The following CARMIL3 variants were observed in gnomAD, a reference collection of about 807,000 sequenced individuals.
The protein encoded by CARMIL3 is capping protein, Arp2/3 and myosin-I linker protein 3.
Under a neutral mutation model 180.8 loss-of-function variants are expected in CARMIL3, and 88 were observed. The observed-to-expected ratio is 0.49, with a 90% CI of 0.41 to 0.58. CARMIL3 has a LOEUF of 0.58. CARMIL3 is among the 20% of genes least tolerant of loss of function. CARMIL3 has a pLI of 0.00. For missense variants in CARMIL3, 1,548 were observed against 1,787.0 expected (o/e 0.87, Z 2.41); for synonymous variants, 696 against 714.5 (o/e 0.97, Z 0.41).
At chr14:24,067,035 A>G (rs7148694) in intron 36 of CARMIL3, among the ~76,000 whole-genome samples, 15,162 of 152,200 alleles carry the variant, frequency 0.1, 1,425 homozygotes, top group East Asian at 0.41. Context: ...GCCAGCAAGT[A>G]CCAGCTGTGC....
At chr14:24,052,254 T>C (rs1449610597) in intron 1 of CARMIL3, 61 bp downstream of exon 1, 15 of 1,507,950 alleles carry the variant, frequency 9.9e-6, no homozygotes, top group Non-Finnish European at 1.3e-5. Context: ...CCCAGCGCGT[T>C]CCTCCCCGTG....
chr14:24,064,100 A>AG (rs1379006712), intron 31 of CARMIL3, 146 bp from the exon 32 acceptor site: 3 of 595,400 alleles, frequency 5.0e-6, no homozygotes. Flanking sequence ...TCTCAAAAAA[A>AG]AAAAAAAAAA....
chr14:24,054,101 G>C lies in CARMIL3; in HGVS notation c.149G>C (p.Trp50Ser). 6.2e-7 allele frequency: 1 copy of C among 1,613,910 alleles called. No homozygotes were observed. Among genetic ancestry groups the C allele is most frequent in the Non-Finnish European group, 8.5e-7 (1 of 1,180,016 alleles). Residue 50 changes from tryptophan to serine, a missense_variant, in exon 3 of 40, where the codon TGG (tryptophan) becomes TCG (serine). Trp to Ser is a radical substitution (Grantham distance 177, BLOSUM62 -3). Around this residue, in one of 4 missense-constraint regions of CARMIL3, gnomAD observed 578 missense variants for 666.5 expected, o/e 0.87. Coordinates refer to ENST00000342740, the MANE Select transcript of CARMIL3 (RefSeq NM_138360.4). This position sits in a 1 kb window ranked among gnomAD's most constrained non-coding sequence, Gnocchi z 5.1. ...FEDRVLALTS[W>S]RLHLFLLKVP... ...CTCTCTCTGTAGGCCCTGACCTCCT[G>C]GCGCCTCCACCTCTTCCTCCTTAAA...
rs765598966 is a variant in CARMIL3 at position 24,061,624 on chromosome 14, G to A, written c.2432G>A (p.Arg811Gln). The A allele has an allele frequency of 1.6e-5, 26 of 1,613,840 alleles. No homozygotes were observed. Among genetic ancestry groups the A allele is most frequent in the East Asian group, 2.2e-5 (1 of 44,872 alleles). Residue 811 changes from arginine (R) to glutamine (Q), a missense_variant, in exon 27 of 40, where the codon CGA becomes CAA. Physicochemically the swap from Arg to Gln is conservative, Grantham distance 43. This residue lies in a region of CARMIL3 where 297 missense variants were observed against 415.9 expected (regional missense o/e 0.71). Transcript: ENST00000342740. The surrounding 1 kb of genome is among the most constrained non-coding windows in gnomAD (Gnocchi z 4.1). ...GTCACTGTGCCCCGGAACTTCATCC[G>A]AGGGGCACTGCTGGAGCAAGCAGGA... Reference protein sequence around the residue: ...ERVTVPRNFIRGALLEQAGQD... With the variant: ...ERVTVPRNFIQGALLEQAGQD...
In CARMIL3 at chr14:24,058,036, G is replaced by T; in HGVS notation, c.1294G>T (p.Ala432Ser). Residue 432 changes from alanine (A) to serine (S), a missense_variant, in exon 16 of 40, where the codon GCC (alanine) becomes TCC (serine). This residue lies in a region of CARMIL3 where 578 missense variants were observed against 666.5 expected (regional missense o/e 0.87). Transcript: ENST00000342740. The surrounding 1 kb of genome is among the most constrained non-coding windows in gnomAD (Gnocchi z 6.4). ...CACACTGAGCCACGTCAATCTGTCG[G>T]CCACAAAGCTGCCCCTGGAGGCCCT... ...AYTLSHVNLS[A>S]TKLPLEALRA... 2 of 1,613,788 alleles carry T rather than the reference G, an allele frequency of 1.2e-6. No homozygotes were observed. The highest frequency in any genetic ancestry group is 2.7e-5 in the African/African-American group (2 of 75,022).
At position 24,069,140 on chromosome 14, in the gene CARMIL3, C is replaced by T. The variant is rs562479653; in HGVS notation, c.3986C>T (p.Pro1329Leu). The stretch of plus-strand genomic sequence containing the variant: ...CCTGCCTTGATTGTTATTTCAGGGC[C>T]CCCTGATCCAGGCCGGCGGACTGCC... ...QDQEEPEVQGPPDPGRRTAPL... is the reference protein window; with the variant it reads ...QDQEEPEVQGLPDPGRRTAPL... The change falls in exon 39 of 40, where the codon CCC becomes CTC. Residue 1329 changes from proline (P) to leucine (L), a missense_variant. This residue lies in a region of CARMIL3 where 668 missense variants were observed against 687.8 expected (regional missense o/e 0.97). Coordinates refer to ENST00000342740, the MANE Select transcript of CARMIL3 (RefSeq NM_138360.4). The T allele has an allele frequency of 2.5e-6, 4 of 1,613,964 alleles. No individual in the cohort carries two copies. Among genetic ancestry groups the T allele is most frequent in the Non-Finnish European group, 3.4e-6 (4 of 1,179,964 alleles).
At position 24,065,137 on chromosome 14, in the gene CARMIL3, C is replaced by CCCCCCCCGGGGG; in HGVS notation, c.3260_3261insCCCCCCCGGGGG (p.Pro1087_Thr1088insProProGlyGly). Reference sequence around the variant, plus strand: ...CTCCCTCCACCCCCACCCCCTCCCCCGACTCAGGAGAGCCCCCCTAGCCCA... The same window carrying CCCCCCCCGGGGG: ...CTCCCTCCACCCCCACCCCCTCCCCCCCCCCCCGGGGGGACTCAGGAGAGCCCCCCTAGCCCA... On this transcript the variant is annotated inframe_insertion, in exon 33 of 40. Coordinates refer to ENST00000342740, the MANE Select transcript of CARMIL3 (RefSeq NM_138360.4). The CCCCCCCCGGGGG allele has an allele frequency of 6.9e-7, 1 of 1,444,620 alleles. No individual in the cohort carries two copies. The allele number at this position is 1,444,620 out of a possible 1,614,324, so 89.5% of individuals were successfully genotyped here.
chr14:24,055,003 G>T, intron 6 of CARMIL3, 63 bp from the exon 7 acceptor site: 1 of 1,572,084 alleles, frequency 6.4e-7, no homozygotes, highest in South Asian at 1.1e-5. Context: ...GACTGTTCTT[G>T]AACCCCAAGC....
chr14:24,064,483 C>T, intron 32 of CARMIL3, 137 bp downstream of exon 32: 1 of 684,150 alleles, frequency 1.5e-6, no homozygotes. Context: ...TCCCCACATT[C>T]TCATCCTTCC....
rs1261553632 is a variant in CARMIL3 at position 24,053,736 on chromosome 14, G to C, written c.68G>C (p.Gly23Ala). Residue 23 changes from glycine (G) to alanine (A), a missense_variant, in exon 2 of 40, where the codon GGG becomes GCG. Physicochemically the swap from Gly to Ala is moderately conservative, Grantham distance 60 (BLOSUM62 0). Coordinates refer to ENST00000342740, the MANE Select transcript of CARMIL3 (RefSeq NM_138360.4). ...AGCATCCGGAGGTGCCTGAGCCAAG[G>C]GGCCGTGCTCCAACAACATCATGTG... is the stretch of plus-strand genomic sequence containing the variant. ...QDSIRRCLSQ[G>A]AVLQQHHVKL... is the part of the protein sequence containing the mutation. The C allele has an allele frequency of 1.2e-6, 2 of 1,613,258 alleles. No individual in the cohort carries two copies. Among genetic ancestry groups the C allele is most frequent in the Non-Finnish European group, 1.7e-6 (2 of 1,179,560 alleles).
rs1260879672 is a variant in CARMIL3 at position 24,055,311 on chromosome 14, G to A, written c.605+1G>A. 1 of 1,614,070 alleles carries A rather than the reference G, an allele frequency of 6.2e-7. No homozygotes were observed. The highest frequency in any genetic ancestry group is 8.5e-7 in the Non-Finnish European group (1 of 1,179,998). ...TGGATTTCAGCCACTTGGAGAGCCG[G>A]TAAGCAGATGGGGCAGAGACTCCAC... On this transcript the variant is annotated splice_donor_variant, in intron 8 of 39. Transcript: ENST00000342740. LOFTEE classifies it high-confidence loss of function.
At chr14:24,063,833 G>C (rs1304454908) in intron 31 of CARMIL3, among the ~76,000 whole-genome samples, 1 of 152,046 alleles carries the variant, frequency 6.6e-6, no homozygotes, top group Non-Finnish European at 1.5e-5. Context: ...TGGTGGCTCA[G>C]GCCTGTAATC....
Position 24,054,684 on chromosome 14 carries a change from C to T in CARMIL3, c.363-27C>T. On this transcript the variant is annotated intron_variant, in intron 5 of 39. Transcript: ENST00000342740. This position sits in a 1 kb window ranked among gnomAD's most constrained non-coding sequence, Gnocchi z 5.1. Reference sequence around the variant, plus strand: ...GAACTGAGAGCCTCTTTCCAGCCCTCTCTGGAATGACTTGTTTCTTTTCCA... The same window carrying T: ...GAACTGAGAGCCTCTTTCCAGCCCTTTCTGGAATGACTTGTTTCTTTTCCA... The T allele has an allele frequency of 6.2e-7, 1 of 1,603,384 alleles. No individual in the cohort carries two copies. Among genetic ancestry groups the T allele is most frequent in the African/African-American group, 1.3e-5 (1 of 74,794 alleles).
chr14:24,065,791 T>C, intron 34 of CARMIL3, 41 bp downstream of exon 34: 1 of 1,608,174 alleles, frequency 6.2e-7, no homozygotes, highest in South Asian at 1.1e-5. Flanking sequence ...GTCCTGAGGG[T>C]ATCTGTCCAC....
chr14:24,056,648 C>T lies in CARMIL3; in HGVS notation c.892C>T (p.Leu298Phe). 1.2e-6 allele frequency: 2 copies of T among 1,613,912 alleles called. No individual in the cohort carries two copies. The highest frequency in any genetic ancestry group is 1.3e-5 in the African/African-American group (1 of 75,042). The stretch of plus-strand genomic sequence containing the variant: ...TTTTCTCAGTCTGAGCCAGCAGCTC[C>T]TCTGCTTCCCCTCTGGCCTCACCAA... Reference protein sequence around the residue: ...KGFLSLSQQLLCFPSGLTKLC... With the variant: ...KGFLSLSQQLFCFPSGLTKLC... The change falls in exon 12 of 40, where the codon CTC becomes TTC. Residue 298 changes from leucine (L) to phenylalanine (F), a missense_variant. By Grantham distance (22) the Leu-to-Phe change is conservative (BLOSUM62 0). Around this residue, in one of 4 missense-constraint regions of CARMIL3, gnomAD observed 578 missense variants for 666.5 expected, o/e 0.87. Transcript: ENST00000342740.
At chr14:24,064,463 G>T in intron 32 of CARMIL3, 117 bp downstream of exon 32, 1 of 763,386 alleles carries the variant, frequency 1.3e-6, no homozygotes, top group Non-Finnish European at 2.2e-6. Context: ...GCCAGTCTCT[G>T]TGAGAAATTT....
At position 24,053,815 on chromosome 14, in the gene CARMIL3, G is replaced by C; in HGVS notation, c.135+12G>C. On this transcript the variant is annotated intron_variant, in intron 2 of 39. Coordinates refer to ENST00000342740, the MANE Select transcript of CARMIL3 (RefSeq NM_138360.4). ...AGGACCGAGTGCTGGTGAGGGCACT[G>C]GGCATGTGGGGAGGGAGGAGGTGGC... 1 of 1,603,312 alleles carries C rather than the reference G, an allele frequency of 6.2e-7. No individual in the cohort carries two copies. Among genetic ancestry groups the C allele is most frequent in the Admixed American group, 1.7e-5 (1 of 59,034 alleles).
In CARMIL3 at chr14:24,059,058, C is replaced by A. The variant is rs1289048211; in HGVS notation, c.1571+72C>A. 1.3e-6 allele frequency: 2 copies of A among 1,590,880 alleles called. No individual in the cohort carries two copies. The highest frequency in any genetic ancestry group is 1.7e-6 in the Non-Finnish European group (2 of 1,167,744). On this transcript the variant is annotated intron_variant, in intron 19 of 39. Coordinates refer to ENST00000342740, the MANE Select transcript of CARMIL3 (RefSeq NM_138360.4). The surrounding 1 kb of genome is among the most constrained non-coding windows in gnomAD (Gnocchi z 6.3). ...CCATCCTCTTGGCTCACCGTATTAC[C>A]TCTGGCCACCTCTCTCCTCCTCCAA...
rs2035845343 is a variant in CARMIL3, at chr14:24,069,677, C to G, written c.*273C>G. 1.8e-6 allele frequency: 1 copy of G among 548,482 alleles called. No individual in the cohort carries two copies. The highest frequency in any genetic ancestry group is 3.3e-6 in the Non-Finnish European group (1 of 306,834). 34.0% of individuals were successfully genotyped at this position (548,482 alleles called of 1,614,324 possible). ...CCCAGGAGGGTGGATCTCTGTCCCT[C>G]TATCCCCAGGGACTCTCTCCCCTCT... On this transcript the variant is annotated 3_prime_UTR_variant, in exon 40 of 40. Coordinates refer to ENST00000342740, the MANE Select transcript of CARMIL3 (RefSeq NM_138360.4).
Sources: allele counts gnomAD v4.1 joint callset (sites outside exome capture counted in the v4.1 genomes callset), GRCh38; gene constraint gnomAD v4.1.1; regional missense constraint gnomAD v4.1.1; non-coding constraint Gnocchi (gnomAD v3.1); transcripts MANE v1.5; gene names NCBI Gene and HGNC (gene_info 2026-07-23, HGNC 2026-07-21).